Variants in PTH2R observed in about 807,000 individuals in gnomAD.
The protein encoded by PTH2R is PTH2 receptor.
A neutral mutation model predicts 60.3 loss-of-function variants in PTH2R; 59 were observed. The ratio of observed to expected loss-of-function variants is 0.98; its 90% CI spans 0.79 to 1.22. The LOEUF (loss-of-function observed/expected upper bound fraction) is 1.22, where lower values mean the gene tolerates loss of function less well. Ranked by LOEUF, PTH2R falls within the 50% of genes most tolerant of loss-of-function variation. PTH2R has a pLI of 0.00. For synonymous variants in PTH2R, 256 were observed against 243.8 expected, an observed-to-expected ratio of 1.05 and a Z score of -0.47; for missense variants, 749 against 682.6, an observed-to-expected ratio of 1.10 and a Z score of -1.08.
rs191681531 is a variant in PTH2R, at chr2:208,450,016, T to G, written c.854-733T>G. ...ATTCCATATAAGTTATGGTTCATGATTTTTTTGTGTGTGATGTCAGAGTTT... is the reference window on the plus strand; with the variant it reads ...ATTCCATATAAGTTATGGTTCATGAGTTTTTTGTGTGTGATGTCAGAGTTT... On this transcript the variant is annotated intron_variant, in intron 7 of 12. Transcript: ENST00000272847. Among the ~76,000 whole-genome samples, 75 of 152,286 alleles carry G rather than the reference T, an allele frequency of 4.9e-4. 1 individual carries two copies. Among genetic ancestry groups the G allele is most frequent in the Non-Finnish European group, 3.7e-4 (25 of 68,018 alleles).
At chr2:208,436,541 A>T (rs772650916) in intron 2 of PTH2R, among the ~76,000 whole-genome samples, 65 of 152,250 alleles carry the variant, frequency 4.3e-4, no homozygotes, top group Non-Finnish European at 8.7e-4. Context: ...GCAAGGAACA[A>T]CAGAAGCCTA....
intron 1 of PTH2R, among the ~76,000 whole-genome samples, chr2:208,381,159 C>CCCCAGTCT (rs1700905997): frequency 6.6e-6 from 1 of 151,994 alleles, no homozygotes; most frequent in Admixed American, 6.5e-5. Flanking sequence ...ACCCTCAGAA[C>CCCCAGTCT]CCCAGTCTCT....
rs999696912 is a variant in PTH2R at position 208,490,161 on chromosome 2, G to A, written c.1216-478G>A. On this transcript the variant is annotated intron_variant, in intron 11 of 12. Transcript: ENST00000272847. Reference sequence around the variant, plus strand: ...CTAGAACAGGGAACTTGTCTGTTTTGTTTACATTGTTTATCCCTGCCCCTG... The same window carrying A: ...CTAGAACAGGGAACTTGTCTGTTTTATTTACATTGTTTATCCCTGCCCCTG... Among the ~76,000 whole-genome samples, 9 of 151,834 alleles carry A rather than the reference G, an allele frequency of 5.9e-5. 1 individual carries two copies. Among genetic ancestry groups the A allele is most frequent in the African/African-American group, 2.2e-4 (9 of 41,314 alleles).
intron 1 of PTH2R, among the ~76,000 whole-genome samples, chr2:208,381,318 T>A (rs1700908917): frequency 6.6e-6 from 1 of 152,182 alleles, no homozygotes. Context: ...TTCTCATTTT[T>A]AACATTTATT....
At chr2:208,485,269 C>G (rs1296806124) in intron 10 of PTH2R, among the ~76,000 whole-genome samples, 3 of 152,280 alleles carry the variant, frequency 2.0e-5, no homozygotes, top group Non-Finnish European at 4.4e-5. Flanking sequence ...ATTTTCTAAA[C>G]AGGACACTGA....
intron 9 of PTH2R, among the ~76,000 whole-genome samples, chr2:208,473,232 C>G (rs943856001): frequency 1.3e-5 from 2 of 152,146 alleles, no homozygotes; most frequent in Non-Finnish European, 2.9e-5. Flanking sequence ...GCAACCCAAT[C>G]TAGATAACAT....
chr2:208,455,157 A>G (rs577122551), intron 8 of PTH2R, among the ~76,000 whole-genome samples: 4 of 152,358 alleles, frequency 2.6e-5, no homozygotes, highest in East Asian at 3.9e-4. Flanking sequence ...ATATACACAC[A>G]GTGAGATTGC....
chr2:208,363,480 T>C (rs1171566929), intron 1 of PTH2R, among the ~76,000 whole-genome samples: 1 of 152,224 alleles, frequency 6.6e-6, no homozygotes, highest in Non-Finnish European at 1.5e-5. Flanking sequence ...TGAACATATG[T>C]GTGCATGTGT....
intron 4 of PTH2R, 113 bp downstream of exon 4, chr2:208,437,994 G>T: frequency 1.5e-6 from 2 of 1,320,472 alleles, no homozygotes; most frequent in East Asian, 2.4e-5. Context: ...ACGACACAAG[G>T]ATCATAAAAG....
intron 1 of PTH2R, among the ~76,000 whole-genome samples, chr2:208,413,878 G>A (rs1319218076): frequency 3.3e-5 from 5 of 152,162 alleles, no homozygotes; most frequent in Non-Finnish European, 7.4e-5. Flanking sequence ...AAGGGTTCAG[G>A]GTGGGAGAGC....
chr2:208,461,485 G>C (rs1702634413), intron 9 of PTH2R, among the ~76,000 whole-genome samples: 1 of 151,884 alleles, frequency 6.6e-6, no homozygotes, highest in Non-Finnish European at 1.5e-5. Context: ...CTTTTTAAGG[G>C]AACAATCTTT....
At chr2:208,392,141 G>C (rs1023974477) in intron 1 of PTH2R, among the ~76,000 whole-genome samples, 1 of 152,196 alleles carries the variant, frequency 6.6e-6, no homozygotes, top group Non-Finnish European at 1.5e-5. Context: ...ATCTAGGACT[G>C]CAAACCATTT....
intron 2 of PTH2R, among the ~76,000 whole-genome samples, chr2:208,436,289 G>A (rs112128521): frequency 2.7e-5 from 1 of 36,548 alleles, no homozygotes; most frequent in South Asian, 1.1e-3. Flanking sequence ...AAGGAGGTAA[G>A]GGAATAAGTC....
chr2:208,408,329 T>A (rs1262065403), intron 1 of PTH2R, among the ~76,000 whole-genome samples: 5 of 152,120 alleles, frequency 3.3e-5, no homozygotes, highest in African/African-American at 4.8e-5. Context: ...TGGAAAAAAA[T>A]TTGGTGATAA....
At chr2:208,448,575 A>G (rs544209864) in intron 7 of PTH2R, among the ~76,000 whole-genome samples, 231 of 150,760 alleles carry the variant, frequency 1.5e-3, no homozygotes, top group Non-Finnish European at 2.9e-3. Flanking sequence ...CGGAGCTTGC[A>G]GTGAGCCGGG....
chr2:208,481,186 A>G (rs758407046), intron 10 of PTH2R, 22 bp downstream of exon 10: 3 of 1,493,762 alleles, frequency 2.0e-6, no homozygotes, highest in Non-Finnish European at 2.8e-6. Flanking sequence ...AGAGGCATCC[A>G]TCAGAGGAAA....
chr2:208,446,252 T>A (rs1406750338), intron 7 of PTH2R, among the ~76,000 whole-genome samples: 2 of 152,226 alleles, frequency 1.3e-5, no homozygotes, highest in East Asian at 3.8e-4. Context: ...TCACTCAGTC[T>A]GTCTCTCCTT....
At chr2:208,374,382 C>T (rs972694168) in intron 1 of PTH2R, among the ~76,000 whole-genome samples, 1 of 152,134 alleles carries the variant, frequency 6.6e-6, no homozygotes, top group African/African-American at 2.4e-5. Flanking sequence ...ACTCTGCTTA[C>T]TCATTGCAGT....
chr2:208,456,588 T>G (rs1213394333), intron 8 of PTH2R, among the ~76,000 whole-genome samples: 3 of 152,200 alleles, frequency 2.0e-5, no homozygotes, highest in Non-Finnish European at 4.4e-5. Context: ...TTGTAAGTTG[T>G]GGAGAGAAGG....
Sources: gnomAD v4.1 joint callset for allele counts (sites outside exome capture counted in the v4.1 genomes callset) on GRCh38, gnomAD v4.1.1 for gene constraint, MANE v1.5 for transcripts, NCBI Gene and HGNC (gene_info 2026-07-23, HGNC 2026-07-21) for gene names.